Variants in RBFOX1 observed in about 807,000 individuals in gnomAD.
RBFOX1 encodes RNA binding protein fox-1 homolog 1.
A neutral mutation model predicts 57.7 loss-of-function variants in RBFOX1; 8 were observed. The observed-to-expected ratio is 0.14, with a 90% confidence interval of 0.08 to 0.25. The LOEUF is 0.25. Ranked by LOEUF, RBFOX1 falls within the 10% of genes least tolerant of loss-of-function variation. The pLI is 1.00. For synonymous variants in RBFOX1, 326 were observed against 222.4 expected (o/e 1.47, Z -4.15); for missense variants, 611 against 548.5 (o/e 1.11, Z -1.14).
At position 7,111,339 on chromosome 16, in the gene RBFOX1, C is replaced by CG. The variant is rs141945744; in HGVS notation, c.27+59243dup. The stretch of plus-strand genomic sequence containing the variant: ...TTCTATGGGAACCCGACTTTGCAGA[C>CG]GGAGCTGAGCGGCACTGTTTTCCCT... On this transcript the variant is annotated intron_variant, in intron 4 of 15. Transcript: ENST00000550418. 6.6e-5 allele frequency among the ~76,000 whole-genome samples: 10 copies of CG among 152,276 alleles called. No individual in the cohort carries two copies. The East Asian group carries it at 1.3e-3, about 21-fold the overall frequency.
At chr16:5,687,986 C>G (rs74583850) in intron 3 of RBFOX1, among the ~76,000 whole-genome samples, 1 of 152,144 alleles carries the variant, frequency 6.6e-6, no homozygotes, top group Non-Finnish European at 1.5e-5. Context: ...TCTTCTCGTT[C>G]TCTGCAAGGG....
intron 2 of RBFOX1, among the ~76,000 whole-genome samples, chr16:6,606,782 C>T (rs771635577): frequency 1.3e-5 from 2 of 152,144 alleles, no homozygotes; most frequent in Admixed American, 6.5e-5. Context: ...GTTGACTCCA[C>T]GTCTTTGCTA....
intron 4 of RBFOX1, among the ~76,000 whole-genome samples, chr16:7,195,754 T>A (rs1216324005): frequency 6.6e-6 from 1 of 152,152 alleles, no homozygotes; most frequent in Non-Finnish European, 1.5e-5. Context: ...GATTTCACCG[T>A]GTTGGCCAGA....
In RBFOX1 at chr16:7,042,428, AG is replaced by A. The variant is rs531183815; in HGVS notation, c.-15-9627del. On this transcript the variant is annotated intron_variant, in intron 3 of 15. Coordinates refer to ENST00000550418, the MANE Select transcript of RBFOX1 (RefSeq NM_018723.4). ...GAATATTTCCTATCTTTACGGTTTT[AG>A]GAATTCACTCACTCTGTGCCTCAGT... Among the ~76,000 whole-genome samples the A allele has an allele frequency of 1.7e-3, 257 of 152,318 alleles. 1 individual carries two copies. Among genetic ancestry groups the A allele is most frequent in the Admixed American group, 6.2e-3 (95 of 15,300 alleles).
At chr16:6,543,740 A>G (rs1182536724) in intron 2 of RBFOX1, among the ~76,000 whole-genome samples, 2 of 152,138 alleles carry the variant, frequency 1.3e-5, no homozygotes, top group Non-Finnish European at 2.9e-5. Context: ...GAAGCATCTT[A>G]GAAGGGTTAG....
chr16:5,798,465 A>C (rs866453998), intron 3 of RBFOX1, among the ~76,000 whole-genome samples: 12 of 152,176 alleles, frequency 7.9e-5, no homozygotes, highest in South Asian at 2.1e-4. Flanking sequence ...TGGGACTTCC[A>C]GGTAGATGGC....
intron 1 of RBFOX1, among the ~76,000 whole-genome samples, chr16:5,444,843 A>G (rs1284779345): frequency 6.6e-6 from 1 of 152,234 alleles, no homozygotes; most frequent in African/African-American, 2.4e-5. Context: ...TTATAGGTCC[A>G]GGATAGCTGA....
intron 3 of RBFOX1, among the ~76,000 whole-genome samples, chr16:6,976,359 C>G (rs1329516979): frequency 6.6e-6 from 1 of 152,096 alleles, no homozygotes; most frequent in African/African-American, 2.4e-5. Context: ...AGCATTCAGT[C>G]CTATCCATGA....
At chr16:7,525,501 C>T (rs1018589041) in intron 5 of RBFOX1, among the ~76,000 whole-genome samples, 1 of 152,132 alleles carries the variant, frequency 6.6e-6, no homozygotes, top group African/African-American at 2.4e-5. Context: ...ATCAATTACC[C>T]TACAGAGAGC....
intron 3 of RBFOX1, among the ~76,000 whole-genome samples, chr16:7,015,101 G>C (rs2093842328): frequency 6.6e-6 from 1 of 152,146 alleles, no homozygotes; most frequent in African/African-American, 2.4e-5. Flanking sequence ...GCATAAACTT[G>C]GGGTCTGAGA....
Position 6,773,878 on chromosome 16 carries a change from C to A in RBFOX1, c.-16+119228C>A, listed in dbSNP as rs112015760. 5,167 of 862,754 alleles carry A rather than the reference C, an allele frequency of 6.0e-3. 198 individuals carry two copies. In the African/African-American group the frequency reaches 0.084, roughly 14 times the overall value. 53.4% of individuals were successfully genotyped at this position (862,754 alleles called of 1,614,324 possible). A position where few individuals can be genotyped will look rare whatever the true frequency, so the allele number is the denominator to read the frequency against. On this transcript the variant is annotated intron_variant, in intron 3 of 15. Coordinates refer to ENST00000550418, the MANE Select transcript of RBFOX1 (RefSeq NM_018723.4). ...ATGTGTGGATGTAGGGTGCGTTTGTCTGTGTGTATTTGTGTGGGCATGGAG... is the reference window on the plus strand; with the variant it reads ...ATGTGTGGATGTAGGGTGCGTTTGTATGTGTGTATTTGTGTGGGCATGGAG...
chr16:5,532,883 C>T (rs2044544000), intron 2 of RBFOX1, among the ~76,000 whole-genome samples: 1 of 152,174 alleles, frequency 6.6e-6, no homozygotes, highest in African/African-American at 2.4e-5. Flanking sequence ...CCCTTTCTGC[C>T]TGGAGACCCT....
intron 1 of RBFOX1, among the ~76,000 whole-genome samples, chr16:6,085,428 A>C (rs543855450): frequency 6.6e-6 from 1 of 152,278 alleles, no homozygotes; most frequent in South Asian, 2.1e-4. Context: ...ATGCGCCGCT[A>C]TGCCCAGCTA....
chr16:6,145,025 A>T (rs1206632887), intron 1 of RBFOX1, among the ~76,000 whole-genome samples: 1 of 152,026 alleles, frequency 6.6e-6, no homozygotes, highest in Non-Finnish European at 1.5e-5. Flanking sequence ...TTTTTTAATC[A>T]TAGTATCTCT....
At chr16:5,461,760 G>A (rs777887859) in intron 1 of RBFOX1, among the ~76,000 whole-genome samples, 1 of 152,188 alleles carries the variant, frequency 6.6e-6, no homozygotes, top group African/African-American at 2.4e-5. Flanking sequence ...GTGGATGGAT[G>A]GCCCTGTGTC....
intron 4 of RBFOX1, among the ~76,000 whole-genome samples, chr16:5,985,664 C>G (rs755986109): frequency 3.9e-5 from 6 of 152,160 alleles, no homozygotes; most frequent in African/African-American, 1.4e-4. Flanking sequence ...AGTACTCTTC[C>G]TCCATCTTGC....
rs114227835 is a variant in RBFOX1 at position 5,454,284 on chromosome 16, G to A, written c.220-12932G>A. Among the ~76,000 whole-genome samples, 221 of 152,308 alleles carry A rather than the reference G, an allele frequency of 1.5e-3. 2 individuals are homozygous for A. Among genetic ancestry groups the A allele is most frequent in the African/African-American group, 5.2e-3 (216 of 41,570 alleles). ...TCAAGAGATATTCCAGTGTTGCATT[G>A]CTGTGTAGCAAACCACCCTAAACTT... is the stretch of plus-strand genomic sequence containing the variant. On this transcript the variant is annotated intron_variant, in intron 1 of 2. Coordinates refer to the RBFOX1 transcript ENST00000585867.
intron 4 of RBFOX1, among the ~76,000 whole-genome samples, chr16:7,127,897 C>G (rs1203327746): frequency 6.6e-6 from 1 of 152,196 alleles, no homozygotes; most frequent in East Asian, 1.9e-4. Context: ...GCAACAGAGT[C>G]ACAATGCACC....
chr16:5,478,664 G>A (rs748382520), intron 2 of RBFOX1, among the ~76,000 whole-genome samples: 12 of 152,252 alleles, frequency 7.9e-5, no homozygotes, highest in Admixed American at 2.0e-4. Flanking sequence ...TTCCAGACCC[G>A]CTTTCTGCTC....
Sources: allele counts gnomAD v4.1 joint callset (sites outside exome capture counted in the v4.1 genomes callset), GRCh38; gene constraint gnomAD v4.1.1; transcripts MANE v1.5; gene names NCBI Gene and HGNC (gene_info 2026-07-23, HGNC 2026-07-21).